Variants in CAMK4 observed in about 807,000 individuals in gnomAD.
CAMK4 encodes calcium/calmodulin-dependent protein kinase type IV.
A neutral mutation model predicts 44.9 loss-of-function variants in CAMK4; 22 were observed. The ratio of observed to expected loss-of-function variants is 0.49; its 90% CI spans 0.35 to 0.70. The LOEUF (loss-of-function observed/expected upper bound fraction) is 0.70. CAMK4 is among the 30% of genes least tolerant of loss of function. CAMK4 has a pLI of 0.01. For missense variants in CAMK4, 498 were observed against 586.8 expected (o/e 0.85, Z 1.56); for synonymous variants, 218 against 215.4 (o/e 1.01, Z -0.11).
Position 111,443,774 on chromosome 5 carries a change from G to A in CAMK4, c.460-2912G>A, listed in dbSNP as rs563476832. On this transcript the variant is annotated intron_variant, in intron 5 of 10. Transcript: ENST00000282356. ...TTGTTACTGTGTTCCTATGTTTAGC[G>A]TCATTTTCTTCTCAACACAATGGAG... Among the ~76,000 whole-genome samples the A allele has an allele frequency of 7.9e-5, 12 of 152,170 alleles. No homozygotes were observed. In the South Asian group the frequency reaches 2.1e-3, roughly 26 times the overall value.
intron 2 of CAMK4, chr5:111,365,260 T>G (rs1332138284): frequency 6.6e-6 from 1 of 152,090 alleles, no homozygotes; most frequent in Non-Finnish European, 1.5e-5. Context: ...GTAGGAGCTT[T>G]AAAGATAGGT....
chr5:111,282,198 C>T (rs1018277333), intron 1 of CAMK4, among the ~76,000 whole-genome samples: 21 of 152,238 alleles, frequency 1.4e-4, no homozygotes, highest in African/African-American at 4.8e-4. Flanking sequence ...TACTACTGGG[C>T]CACTCTGATA....
At chr5:111,333,775 A>C (rs1410548643) in intron 1 of CAMK4, among the ~76,000 whole-genome samples, 1 of 151,618 alleles carries the variant, frequency 6.6e-6, no homozygotes, top group East Asian at 1.9e-4. Context: ...TAGAGAATAT[A>C]ATAATTCATA....
chr5:111,343,594 C>T (rs971165625), intron 1 of CAMK4, among the ~76,000 whole-genome samples: 6 of 151,760 alleles, frequency 4.0e-5, no homozygotes, highest in African/African-American at 1.4e-4. Context: ...TGTGGAAGTA[C>T]AGACTATATA....
Position 111,429,777 on chromosome 5 carries a change from C to CAAAAAA in CAMK4, c.460-16883_460-16878dup, listed in dbSNP as rs70973607. Among the ~76,000 whole-genome samples, 175 of 26,344 alleles carry CAAAAAA rather than the reference C, an allele frequency of 6.6e-3. 6 individuals carry two copies. Among genetic ancestry groups the CAAAAAA allele is most frequent in the Non-Finnish European group, 7.4e-3 (118 of 16,010 alleles). 17.3% of individuals were successfully genotyped at this position (26,344 alleles called of 152,430 possible). ...TGGGTGACAGAGTGAGACCTCATCT[C>CAAAAAA]AAAAAAAAAAAAAAAAAAAAAAAAA... is the stretch of plus-strand genomic sequence containing the variant. On this transcript the variant is annotated intron_variant, in intron 5 of 10. Coordinates refer to ENST00000282356, the MANE Select transcript of CAMK4 (RefSeq NM_001744.6).
At chr5:111,366,013 T>C (rs1379846960) in intron 2 of CAMK4, among the ~76,000 whole-genome samples, 29 of 152,248 alleles carry the variant, frequency 1.9e-4, no homozygotes, top group Admixed American at 1.8e-3. Context: ...TGCCAACATA[T>C]ACTTGTTGAA....
intron 1 of CAMK4, among the ~76,000 whole-genome samples, chr5:111,296,408 G>A (rs1272999281): frequency 1.3e-5 from 2 of 152,182 alleles, no homozygotes; most frequent in Non-Finnish European, 2.9e-5. Context: ...GTTCATTAGG[G>A]ATGAATGTTT....
intron 1 of CAMK4, among the ~76,000 whole-genome samples, chr5:111,242,420 T>C (rs1377414046): frequency 6.6e-6 from 1 of 152,202 alleles, no homozygotes; most frequent in African/African-American, 2.4e-5. Flanking sequence ...GATTTATATC[T>C]CTTAAATATA....
intron 5 of CAMK4, among the ~76,000 whole-genome samples, chr5:111,413,865 A>G (rs1019693673): frequency 1.3e-5 from 2 of 152,032 alleles, no homozygotes; most frequent in African/African-American, 4.8e-5. Context: ...TATAACCCAA[A>G]AAGTTCATAA....
intron 5 of CAMK4, among the ~76,000 whole-genome samples, chr5:111,395,857 G>T (rs564355081): frequency 9.4e-4 from 143 of 152,164 alleles, no homozygotes; most frequent in African/African-American, 3.3e-3. Context: ...TTCAAGACAG[G>T]GCCCAGGGAG....
At chr5:111,376,361 C>T (rs1751211793) in intron 3 of CAMK4, among the ~76,000 whole-genome samples, 1 of 152,034 alleles carries the variant, frequency 6.6e-6, no homozygotes, top group South Asian at 2.1e-4. Flanking sequence ...GATTCCTTCA[C>T]CCACTGACAG....
intron 1 of CAMK4, among the ~76,000 whole-genome samples, chr5:111,321,875 C>A (rs923688501): frequency 6.6e-6 from 1 of 152,092 alleles, no homozygotes; most frequent in East Asian, 1.9e-4. Flanking sequence ...TAATCTCCTT[C>A]AATCACAAGT....
chr5:111,485,123 G>C lies in CAMK4; in HGVS notation c.*657G>C, dbSNP rs1755568858. On this transcript the variant is annotated 3_prime_UTR_variant, in exon 11 of 11. Transcript: ENST00000282356. ...ATTAATAATAACCAAAATGTTCTAA[G>C]ATTCTGCCATTTTACAACCCTGGAG... 6.6e-6 allele frequency: 1 copy of C among 152,064 alleles called. No homozygotes were observed. Among genetic ancestry groups the C allele is most frequent in the African/African-American group, 2.4e-5 (1 of 41,396 alleles). The allele number at this position is 152,064 out of a possible 1,614,324, so 9.4% of individuals were successfully genotyped here.
intron 4 of CAMK4, among the ~76,000 whole-genome samples, chr5:111,378,687 A>C (rs917682827): frequency 6.6e-5 from 10 of 152,196 alleles, no homozygotes; most frequent in Non-Finnish European, 1.5e-4. Context: ...TGAAGGAAGT[A>C]AGCATCAGTA....
chr5:111,248,198 GTCT>G (rs1442329421), intron 1 of CAMK4, among the ~76,000 whole-genome samples: 1 of 152,140 alleles, frequency 6.6e-6, no homozygotes, highest in Non-Finnish European at 1.5e-5. Flanking sequence ...CATATCTTCT[GTCT>G]TCTTCACAAA....
At chr5:111,410,309 G>C (rs1443579783) in intron 5 of CAMK4, among the ~76,000 whole-genome samples, 1 of 152,158 alleles carries the variant, frequency 6.6e-6, no homozygotes, top group Non-Finnish European at 1.5e-5. Context: ...GGCTTGTGCA[G>C]GGGAACTCCC....
intron 1 of CAMK4, among the ~76,000 whole-genome samples, chr5:111,278,171 C>T (rs1382472254): frequency 6.6e-6 from 1 of 152,164 alleles, no homozygotes; most frequent in Non-Finnish European, 1.5e-5. Flanking sequence ...CCTTTTGCTG[C>T]CCTCCTACAG....
At chr5:111,328,949 C>G (rs1749028469) in intron 1 of CAMK4, among the ~76,000 whole-genome samples, 1 of 151,536 alleles carries the variant, frequency 6.6e-6, no homozygotes, top group African/African-American at 2.4e-5. Context: ...CAATCAATAT[C>G]CTTGATGAAC....
intron 1 of CAMK4, among the ~76,000 whole-genome samples, chr5:111,319,540 C>A (rs1035007826): frequency 1.3e-5 from 2 of 152,118 alleles, no homozygotes; most frequent in African/African-American, 4.8e-5. Context: ...GTGTGCTAGG[C>A]ACCTGGGACA....
Sources: gnomAD v4.1 joint callset for allele counts (sites outside exome capture counted in the v4.1 genomes callset) on GRCh38, gnomAD v4.1.1 for gene constraint, MANE v1.5 for transcripts, NCBI Gene and HGNC (gene_info 2026-07-23, HGNC 2026-07-21) for gene names.